The following RFX4 variants were observed in gnomAD, a reference collection of about 807,000 sequenced individuals.
RFX4 encodes regulatory factor X4, also known as transcription factor RFX4.
Under a neutral mutation model 95.0 loss-of-function variants are expected in RFX4, and 10 were observed. The observed-to-expected ratio is 0.11, with a 90% CI of 0.06 to 0.18. The LOEUF (loss-of-function observed/expected upper bound fraction) is 0.18. Among genes scored for constraint, RFX4 ranks in the 10% least tolerant of loss-of-function variants. The pLI is 1.00. For missense variants in RFX4, 640 were observed against 922.0 expected (o/e 0.69, Z 3.96); for synonymous variants, 321 against 340.7 (o/e 0.94, Z 0.64).
intron 17 of RFX4, among the ~76,000 whole-genome samples, chr12:106,753,622 C>A (rs907292291): frequency 1.3e-5 from 2 of 152,178 alleles, no homozygotes; most frequent in African/African-American, 4.8e-5. Context: ...GAGCACTCTC[C>A]ACATCCCTTA....
At chr12:106,637,237 G>A (rs2040532002) in intron 2 of RFX4, among the ~76,000 whole-genome samples, 1 of 152,292 alleles carries the variant, frequency 6.6e-6, no homozygotes, top group East Asian at 1.9e-4. Context: ...AAATAAGGAA[G>A]AAGGTGGGTA....
At chr12:106,747,323 G>GTCTTATAAAGAT in intron 15 of RFX4, 114 bp from the exon 16 acceptor site, 2 of 1,133,362 alleles carry the variant, frequency 1.8e-6, no homozygotes, top group Non-Finnish European at 2.5e-6. Flanking sequence ...AGAGATACAT[G>GTCTTATAAAGAT]TCTTATAAAG....
At chr12:106,698,058 T>C (rs1320729065) in intron 8 of RFX4, among the ~76,000 whole-genome samples, 1 of 151,834 alleles carries the variant, frequency 6.6e-6, no homozygotes, top group Non-Finnish European at 1.5e-5. Flanking sequence ...CTACAACCTC[T>C]GCCTCCCGGG....
At chr12:106,749,193 T>C (rs946781335) in intron 16 of RFX4, among the ~76,000 whole-genome samples, 1 of 145,470 alleles carries the variant, frequency 6.9e-6, no homozygotes, top group African/African-American at 2.6e-5. Flanking sequence ...GAGGCGGAGG[T>C]TGCAGTAAGC....
At chr12:106,722,108 A>C (rs571366553) in intron 13 of RFX4, among the ~76,000 whole-genome samples, 8 of 152,268 alleles carry the variant, frequency 5.3e-5, no homozygotes, top group Non-Finnish European at 8.8e-5. Context: ...CAGTGCCATC[A>C]GGCATGGCAT....
At chr12:106,745,268 T>A (rs1300892172) in intron 15 of RFX4, among the ~76,000 whole-genome samples, 1 of 152,182 alleles carries the variant, frequency 6.6e-6, no homozygotes, top group Non-Finnish European at 1.5e-5. Flanking sequence ...GGGGATAACG[T>A]TCTTTTAAGG....
At chr12:106,725,660 A>G (rs1340060830) in intron 13 of RFX4, among the ~76,000 whole-genome samples, 2 of 152,160 alleles carry the variant, frequency 1.3e-5, no homozygotes, top group Admixed American at 1.3e-4. Flanking sequence ...AAAGAACACA[A>G]TCATGATTTA....
At chr12:106,594,543 C>G (rs2039588043) in intron 1 of RFX4, among the ~76,000 whole-genome samples, 1 of 152,138 alleles carries the variant, frequency 6.6e-6, no homozygotes, top group East Asian at 1.9e-4. Context: ...CTCTGGGTGC[C>G]CAGGCTGCGG....
At chr12:106,603,861 C>G (rs1322742425) in intron 1 of RFX4, among the ~76,000 whole-genome samples, 2 of 152,094 alleles carry the variant, frequency 1.3e-5, no homozygotes, top group Non-Finnish European at 2.9e-5. Flanking sequence ...ATTTAGACAA[C>G]ATATGTGAAA....
chr12:106,648,087 T>G (rs2040783871), intron 3 of RFX4, among the ~76,000 whole-genome samples: 1 of 152,198 alleles, frequency 6.6e-6, no homozygotes, highest in Non-Finnish European at 1.5e-5. Context: ...AGCTGGCATT[T>G]AGACCACTGC....
At chr12:106,659,117 T>C (rs1000833240) in intron 4 of RFX4, among the ~76,000 whole-genome samples, 9 of 152,194 alleles carry the variant, frequency 5.9e-5, no homozygotes, top group Non-Finnish European at 8.8e-5. Context: ...AGAACAAGCA[T>C]CTTCTCAATA....
intron 8 of RFX4, among the ~76,000 whole-genome samples, chr12:106,708,883 C>T (rs1398472605): frequency 6.6e-6 from 1 of 152,150 alleles, no homozygotes; most frequent in Non-Finnish European, 1.5e-5. Context: ...TATGCTGTTG[C>T]TTCCCAGTTC....
chr12:106,700,959 T>A (rs897620302), intron 8 of RFX4, among the ~76,000 whole-genome samples: 2 of 152,244 alleles, frequency 1.3e-5, no homozygotes, highest in African/African-American at 4.8e-5. Context: ...ACATGATTCC[T>A]AATCTTCATT....
intron 5 of RFX4, 165 bp downstream of exon 5, chr12:106,682,219 G>T: frequency 1.5e-6 from 1 of 650,798 alleles, no homozygotes; most frequent in Non-Finnish European, 2.6e-6. Context: ...CCTCTCTCAG[G>T]ACTCCTGAAA....
chr12:106,597,349 T>C (rs2039636323), intron 1 of RFX4, among the ~76,000 whole-genome samples: 2 of 152,100 alleles, frequency 1.3e-5, no homozygotes, highest in Admixed American at 1.3e-4. Flanking sequence ...TTAGAATTAG[T>C]GTCTTTCTGG....
chr12:106,706,106 T>A (rs2042081321), intron 8 of RFX4, among the ~76,000 whole-genome samples: 1 of 152,038 alleles, frequency 6.6e-6, no homozygotes, highest in African/African-American at 2.4e-5. Context: ...CTAAATAACA[T>A]GGAGCTAAGC....
At chr12:106,733,392 G>A (rs775670666) in intron 15 of RFX4, 5 of 258,778 alleles carry the variant, frequency 1.9e-5, no homozygotes, top group African/African-American at 6.6e-5. Flanking sequence ...CCAAAACCTG[G>A]GTATCTTCCT....
chr12:106,647,188 C>T (rs983661464), intron 3 of RFX4, among the ~76,000 whole-genome samples: 2 of 152,160 alleles, frequency 1.3e-5, no homozygotes, highest in Non-Finnish European at 2.9e-5. Context: ...TCTACAGTGC[C>T]TGGCATATAG....
chr12:106,672,479 G>GC, intron 4 of RFX4, among the ~76,000 whole-genome samples: 1 of 152,168 alleles, frequency 6.6e-6, no homozygotes, highest in Non-Finnish European at 1.5e-5. Flanking sequence ...TGTTCTTTAG[G>GC]CAGGCTTCAT....
Sources: gnomAD v4.1 joint callset for allele counts (sites outside exome capture counted in the v4.1 genomes callset) on GRCh38, gnomAD v4.1.1 for gene constraint, MANE v1.5 for transcripts, NCBI Gene and HGNC (gene_info 2026-07-23, HGNC 2026-07-21) for gene names.